The following KCNQ1 variants were observed in gnomAD, a reference collection of about 807,000 sequenced individuals.
KCNQ1 encodes the protein potassium voltage-gated channel subfamily Q member 1, also known as potassium voltage-gated channel subfamily KQT member 1.
A neutral mutation model predicts 72.4 loss-of-function variants in KCNQ1; 49 were observed. The observed-to-expected ratio is 0.68, with a 90% CI of 0.54 to 0.86. The LOEUF is 0.86. KCNQ1 is among the 40% of genes least tolerant of loss of function. The pLI is 0.00. For missense variants in KCNQ1, 790 were observed against 945.1 expected (o/e 0.84, Z 2.15); for synonymous variants, 450 against 412.6 (o/e 1.09, Z -1.10).
intron 10 of KCNQ1, chr11:2,619,740 T>G: frequency 2.5e-6 from 1 of 398,162 alleles, no homozygotes; most frequent in East Asian, 3.6e-5. Flanking sequence ...GTATTCCCTA[T>G]AGCTGCATTT....
rs1308021672 is a variant in KCNQ1 at position 2,698,449 on chromosome 11, C to A, written c.1514+36368C>A. 1.3e-5 allele frequency: 5 copies of A among 398,296 alleles called. No homozygotes were observed. The highest frequency in any genetic ancestry group is 4.4e-6 in the Non-Finnish European group (1 of 226,058). 24.7% of individuals were successfully genotyped at this position (398,296 alleles called of 1,614,324 possible). ...AGCCTACTACCCAGACTGAGACCTGCATCTGATCAACTCTCATCTCCAATA... is the reference window on the plus strand; with the variant it reads ...AGCCTACTACCCAGACTGAGACCTGAATCTGATCAACTCTCATCTCCAATA... On this transcript the variant is annotated intron_variant, in intron 11 of 15. Transcript: ENST00000155840. This position sits in a 1 kb window ranked among gnomAD's most constrained non-coding sequence, Gnocchi z 5.1.
At position 2,785,562 on chromosome 11, in the gene KCNQ1, G is replaced by A. The variant is rs1358137558; in HGVS notation, c.1794+7525G>A. On this transcript the variant is annotated intron_variant, in intron 15 of 15. Transcript: ENST00000155840. This position sits in a 1 kb window ranked among gnomAD's most constrained non-coding sequence, Gnocchi z 4.4. Reference sequence around the variant, plus strand: ...CCTACAACCGTAGGATTTCAGGTTTGTCTTTTGTAAACACTGTATTACTGA... The same window carrying A: ...CCTACAACCGTAGGATTTCAGGTTTATCTTTTGTAAACACTGTATTACTGA... Among the ~76,000 whole-genome samples, 1 of 151,710 alleles carries A rather than the reference G, an allele frequency of 6.6e-6. No individual in the cohort carries two copies. Among genetic ancestry groups the A allele is most frequent in the Non-Finnish European group, 1.5e-5 (1 of 67,802 alleles).
In KCNQ1 at chr11:2,828,987, GA is replaced by G. The variant is rs1323645017; in HGVS notation, c.1795-18774del. 6.6e-6 allele frequency among the ~76,000 whole-genome samples: 1 copy of G among 152,088 alleles called. No homozygotes were observed. Among genetic ancestry groups the G allele is most frequent in the Non-Finnish European group, 1.5e-5 (1 of 68,014 alleles). ...GAGAAATGCCTTCAAACATCTGAGG[GA>G]AAAAATGATTTCCCATCCAGAATTC... On this transcript the variant is annotated intron_variant, in intron 15 of 15. Transcript: ENST00000155840. The surrounding 1 kb of genome is among the most constrained non-coding windows in gnomAD (Gnocchi z 5.3).
At chr11:2,467,582 G>T (rs188342323) in intron 1 of KCNQ1, among the ~76,000 whole-genome samples, 1 of 152,328 alleles carries the variant, frequency 6.6e-6, no homozygotes, top group African/African-American at 2.4e-5. Context: ...CAGGGTGCAG[G>T]CTGGGGAAGG....
rs1851082482 is a variant in KCNQ1 at position 2,715,782 on chromosome 11, C to T, written c.1515-53062C>T. On this transcript the variant is annotated intron_variant, in intron 11 of 15. Transcript: ENST00000155840. The surrounding 1 kb of genome is among the most constrained non-coding windows in gnomAD (Gnocchi z 4.9). ...AGCTGGCCCTGCCTGTGAGGGTTGA[C>T]CAGCTGGAGCAGCCCCGCATCCCAC... Among the ~76,000 whole-genome samples, 2 of 152,232 alleles carry T rather than the reference C, an allele frequency of 1.3e-5. No homozygotes were observed. The highest frequency in any genetic ancestry group is 4.1e-4 in the South Asian group (2 of 4,836).
At chr11:2,708,683 A>T (rs1850952515) in intron 11 of KCNQ1, among the ~76,000 whole-genome samples, 1 of 152,180 alleles carries the variant, frequency 6.6e-6, no homozygotes, top group Admixed American at 6.5e-5. Flanking sequence ...CTCAGCTCTT[A>T]GGAGGCAGAA....
intron 12 of KCNQ1, among the ~76,000 whole-genome samples, chr11:2,775,382 C>T (rs1846675081): frequency 6.6e-6 from 1 of 152,262 alleles, no homozygotes. Context: ...CAAGCAGATG[C>T]TCGTCACCCA....
intron 1 of KCNQ1, among the ~76,000 whole-genome samples, chr11:2,470,812 G>C (rs2133596318): frequency 6.6e-6 from 1 of 152,140 alleles, no homozygotes; most frequent in South Asian, 2.1e-4. Context: ...TCTCTTAATA[G>C]TGCCCTTTTA....
rs1846390118 is a variant in KCNQ1, at chr11:2,468,637, C to G, written c.386+23153C>G. On this transcript the variant is annotated intron_variant, in intron 1 of 15. Coordinates refer to ENST00000155840, the MANE Select transcript of KCNQ1 (RefSeq NM_000218.3). The surrounding 1 kb of genome is among the most constrained non-coding windows in gnomAD (Gnocchi z 5.7). The stretch of plus-strand genomic sequence containing the variant: ...CCTACCATCAGGCACGATGGATGGG[C>G]TTGTGCCTTGTGGAATTTTATTTGG... Among the ~76,000 whole-genome samples the G allele has an allele frequency of 6.6e-6, 1 of 152,164 alleles. No individual in the cohort carries two copies. The highest frequency in any genetic ancestry group is 2.4e-5 in the African/African-American group (1 of 41,422).
Position 2,473,411 on chromosome 11 carries a change from G to A in KCNQ1, c.386+27927G>A, listed in dbSNP as rs1009363662. Among the ~76,000 whole-genome samples the A allele has an allele frequency of 6.6e-6, 1 of 152,148 alleles. No individual in the cohort carries two copies. The highest frequency in any genetic ancestry group is 2.4e-5 in the African/African-American group (1 of 41,428). ...TGGAGTCCCGTCCAGCAGGAGGCAG[G>A]AGAGCTGGTGTTTGGAGATGTGAGG... On this transcript the variant is annotated intron_variant, in intron 1 of 15. Coordinates refer to ENST00000155840, the MANE Select transcript of KCNQ1 (RefSeq NM_000218.3). The surrounding 1 kb of genome is among the most constrained non-coding windows in gnomAD (Gnocchi z 6.0).
chr11:2,611,012 T>C lies in KCNQ1; in HGVS notation c.1393+22158T>C, dbSNP rs1241920387. ...TGTTGAGTTGTCTATTATTGTTCAG[T>C]TGTCTGTTTCTCTCTTCATTTCTGA... On this transcript the variant is annotated intron_variant, in intron 10 of 15. Coordinates refer to ENST00000155840, the MANE Select transcript of KCNQ1 (RefSeq NM_000218.3). The surrounding 1 kb of genome is among the most constrained non-coding windows in gnomAD (Gnocchi z 5.3). 2.5e-6 allele frequency: 1 copy of C among 398,488 alleles called. No homozygotes were observed. Among genetic ancestry groups the C allele is most frequent in the Middle Eastern group, 6.3e-4 (1 of 1,588 alleles). 24.7% of individuals were successfully genotyped at this position (398,488 alleles called of 1,614,324 possible).
rs147207873 is a variant in KCNQ1, at chr11:2,745,845, A to C, written c.1515-22999A>C. ...GCAGGCGGCAGCAGCAAGGCAGCTC[A>C]TCCTCGGCTGCCTCTTCTCCCTCAC... On this transcript the variant is annotated intron_variant, in intron 11 of 15. Coordinates refer to ENST00000155840, the MANE Select transcript of KCNQ1 (RefSeq NM_000218.3). The surrounding 1 kb of genome is among the most constrained non-coding windows in gnomAD (Gnocchi z 6.2). Among the ~76,000 whole-genome samples, 711 of 152,306 alleles carry C rather than the reference A, an allele frequency of 4.7e-3. 3 individuals carry two copies. Among genetic ancestry groups the C allele is most frequent in the Non-Finnish European group, 8.5e-3 (579 of 68,022 alleles).
At position 2,655,763 on chromosome 11, in the gene KCNQ1, C is replaced by T. The variant is rs1199797513; in HGVS notation, c.1394-6198C>T. 1.0e-5 allele frequency: 4 copies of T among 392,432 alleles called. No individual in the cohort carries two copies. The East Asian group carries it at 1.1e-4, about 11-fold the overall frequency. 24.3% of individuals were successfully genotyped at this position (392,432 alleles called of 1,614,324 possible). A position where few individuals can be genotyped will look rare whatever the true frequency, so the allele number is the denominator to read the frequency against. On this transcript the variant is annotated intron_variant, in intron 10 of 15. Coordinates refer to ENST00000155840, the MANE Select transcript of KCNQ1 (RefSeq NM_000218.3). Reference sequence around the variant, plus strand: ...GGTGAAAACAGGGAAGAGGTGGCAGCTCTGGTCACTGCCTCCCTGTGGTGG... The same window carrying T: ...GGTGAAAACAGGGAAGAGGTGGCAGTTCTGGTCACTGCCTCCCTGTGGTGG...
chr11:2,769,064 G>C lies in KCNQ1; in HGVS notation c.1590+145G>C. On this transcript the variant is annotated intron_variant, in intron 12 of 15. Coordinates refer to ENST00000155840, the MANE Select transcript of KCNQ1 (RefSeq NM_000218.3). This position sits in a 1 kb window ranked among gnomAD's most constrained non-coding sequence, Gnocchi z 4.6. Reference sequence around the variant, plus strand: ...AAGCCACACAGGCAGGCCTATCTGAGACCTGACAGTGCCTACCCCACCGAA... The same window carrying C: ...AAGCCACACAGGCAGGCCTATCTGACACCTGACAGTGCCTACCCCACCGAA... 1 of 757,814 alleles carries C rather than the reference G, an allele frequency of 1.3e-6. No individual in the cohort carries two copies. The highest frequency in any genetic ancestry group is 2.3e-6 in the Non-Finnish European group (1 of 430,292). The allele number at this position is 757,814 out of a possible 1,614,324, so 46.9% of individuals were successfully genotyped here. A position where few individuals can be genotyped will look rare whatever the true frequency, so the allele number is the denominator to read the frequency against.
At chr11:2,630,526 A>C (rs969562999) in intron 10 of KCNQ1, 4 of 398,220 alleles carry the variant, frequency 1.0e-5, no homozygotes, top group Non-Finnish European at 1.8e-5. Flanking sequence ...TACACCTTTT[A>C]ATATTGCATA....
At chr11:2,696,442 C>T (rs576629152) in intron 11 of KCNQ1, 1 of 398,696 alleles carries the variant, frequency 2.5e-6, no homozygotes. Context: ...TCTTCTGGGC[C>T]TCTGTCACCA....
At chr11:2,524,923 C>T (rs1392120055) in intron 1 of KCNQ1, among the ~76,000 whole-genome samples, 1 of 152,164 alleles carries the variant, frequency 6.6e-6, no homozygotes, top group East Asian at 1.9e-4. Context: ...TCTTCTGCCC[C>T]GGGCAGCCCG....
In KCNQ1 at chr11:2,541,391, C is replaced by T. The variant is rs1346748407; in HGVS notation, c.477+13373C>T. On this transcript the variant is annotated intron_variant, in intron 2 of 15. Coordinates refer to ENST00000155840, the MANE Select transcript of KCNQ1 (RefSeq NM_000218.3). This position sits in a 1 kb window ranked among gnomAD's most constrained non-coding sequence, Gnocchi z 4.8. Reference sequence around the variant, plus strand: ...TTTATTTCATTTTAGCTTTCTTTAGCGGGGCCTGTGTCTCTTCTCACTGAC... The same window carrying T: ...TTTATTTCATTTTAGCTTTCTTTAGTGGGGCCTGTGTCTCTTCTCACTGAC... 4.6e-5 allele frequency among the ~76,000 whole-genome samples: 7 copies of T among 152,120 alleles called. No homozygotes were observed. Among genetic ancestry groups the T allele is most frequent in the South Asian group, 2.1e-4 (1 of 4,820 alleles).
intron 11 of KCNQ1, chr11:2,662,772 C>T (rs900403676): frequency 3.0e-5 from 12 of 399,190 alleles, no homozygotes; most frequent in African/African-American, 2.3e-4. Flanking sequence ...GTTGGGGATT[C>T]CCCTTGATAA....
Sources: allele counts gnomAD v4.1 joint callset (sites outside exome capture counted in the v4.1 genomes callset), GRCh38; gene constraint gnomAD v4.1.1; non-coding constraint Gnocchi (gnomAD v3.1); transcripts MANE v1.5; gene names NCBI Gene and HGNC (gene_info 2026-07-23, HGNC 2026-07-21).